Variants in TENM3 observed in about 807,000 individuals in gnomAD.
TENM3 encodes the protein teneurin transmembrane protein 3, also known as teneurin-3.
In TENM3, 63 loss-of-function variants were observed where a neutral mutation model predicts 255.1. That is an observed-to-expected ratio of 0.25 (90% CI 0.20 to 0.30). The LOEUF (loss-of-function observed/expected upper bound fraction) is 0.30. Ranked by LOEUF, TENM3 falls within the 10% of genes least tolerant of loss-of-function variation. The pLI is 1.00. For missense variants in TENM3, 2,929 were observed against 3,461.1 expected, an observed-to-expected ratio of 0.85 and a Z score of 3.86; for synonymous variants, 1,306 against 1,322.3, an observed-to-expected ratio of 0.99 and a Z score of 0.27.
the TENM3 span, among the ~76,000 whole-genome samples, chr4:181,612,606 T>C: frequency 6.6e-6 from 1 of 152,188 alleles, no homozygotes; most frequent in Admixed American, 6.5e-5. Context: ...AATACCTCAT[T>C]GTGTTTTATC....
At chr4:182,274,450 G>A (rs975573116) in intron 1 of TENM3, among the ~76,000 whole-genome samples, 1 of 152,190 alleles carries the variant, frequency 6.6e-6, no homozygotes, top group Non-Finnish European at 1.5e-5. Flanking sequence ...GTCCTTGGCA[G>A]CTTTGTCACC....
chr4:182,605,461 A>G (rs1413676987), intron 4 of TENM3, among the ~76,000 whole-genome samples: 2 of 149,928 alleles, frequency 1.3e-5, no homozygotes, highest in African/African-American at 2.5e-5. Flanking sequence ...GGAAATTCTT[A>G]AAGTTTCACC....
At chr4:182,199,186 G>C (rs985889782) in intron 1 of TENM3, among the ~76,000 whole-genome samples, 3 of 152,040 alleles carry the variant, frequency 2.0e-5, no homozygotes, top group Non-Finnish European at 4.4e-5. Flanking sequence ...ATTTCAGGCC[G>C]GGCACGGTGG....
chr4:182,639,302 A>G (rs1045979671), intron 5 of TENM3, among the ~76,000 whole-genome samples: 1 of 152,200 alleles, frequency 6.6e-6, no homozygotes, highest in Non-Finnish European at 1.5e-5. Context: ...TGTAATCTTG[A>G]ACAGGGTAGT....
chr4:181,671,822 A>G, the TENM3 span, among the ~76,000 whole-genome samples: 1 of 151,902 alleles, frequency 6.6e-6, no homozygotes, highest in Non-Finnish European at 1.5e-5. Flanking sequence ...ATACATTAAC[A>G]TGATTCCTTC....
chr4:181,587,019 TA>T, the TENM3 span, among the ~76,000 whole-genome samples: 2 of 152,316 alleles, frequency 1.3e-5, no homozygotes, highest in Admixed American at 6.5e-5. Flanking sequence ...CTGCACTCAC[TA>T]AAATAAGTGA....
At chr4:182,151,500 A>T (rs138602777) in intron 1 of TENM3, among the ~76,000 whole-genome samples, 47 of 152,238 alleles carry the variant, frequency 3.1e-4, no homozygotes, top group African/African-American at 1.0e-3. Flanking sequence ...AATAGCTCTT[A>T]AGAAAATTGG....
the TENM3 span, among the ~76,000 whole-genome samples, chr4:181,501,585 G>A: frequency 2.6e-5 from 4 of 152,022 alleles, no homozygotes; most frequent in East Asian, 3.9e-4. Flanking sequence ...TCACTAGGTT[G>A]GCCAGGCTGC....
the TENM3 span, among the ~76,000 whole-genome samples, chr4:181,718,163 G>A: frequency 6.6e-6 from 1 of 152,146 alleles, no homozygotes; most frequent in Non-Finnish European, 1.5e-5. Flanking sequence ...AAATTAGTGA[G>A]GAGTATAAAA....
the TENM3 span, among the ~76,000 whole-genome samples, chr4:181,596,082 A>G: frequency 6.6e-6 from 1 of 152,198 alleles, no homozygotes; most frequent in African/African-American, 2.4e-5. Context: ...TATCTCAATC[A>G]TTCATAGATC....
intron 12 of TENM3, among the ~76,000 whole-genome samples, chr4:182,701,109 C>A (rs1170776945): frequency 6.7e-6 from 1 of 149,754 alleles, no homozygotes; most frequent in Non-Finnish European, 1.5e-5. Flanking sequence ...TAAACATAAG[C>A]AATCTAATTG....
chr4:182,305,695 G>T lies in TENM3; in HGVS notation c.-75-18251G>T, dbSNP rs553484960. On this transcript the variant is annotated intron_variant, in intron 1 of 27. Coordinates refer to ENST00000511685, the MANE Select transcript of TENM3 (RefSeq NM_001080477.4). ...CACAGCGGCTCTTTGCGGCCTTCCTGCCTTGGCCTTGGATGGAAGGGTAAC... is the reference window on the plus strand; with the variant it reads ...CACAGCGGCTCTTTGCGGCCTTCCTTCCTTGGCCTTGGATGGAAGGGTAAC... Among the ~76,000 whole-genome samples, 6 of 152,276 alleles carry T rather than the reference G, an allele frequency of 3.9e-5. No individual in the cohort carries two copies. In the East Asian group the frequency reaches 1.2e-3, roughly 29 times the overall value.
intron 3 of TENM3, among the ~76,000 whole-genome samples, chr4:182,532,690 CAGAA>C (rs1280061574): frequency 6.6e-6 from 1 of 152,056 alleles, no homozygotes; most frequent in Admixed American, 6.6e-5. Flanking sequence ...CCCAAGTGAC[CAGAA>C]AGAGTTAATA....
the TENM3 span, among the ~76,000 whole-genome samples, chr4:181,947,408 T>G: frequency 2.0e-4 from 30 of 152,304 alleles, 1 homozygote; most frequent in African/African-American, 7.2e-4. Context: ...TTCCTAGACT[T>G]GTGATTGGTT....
intron 3 of TENM3, among the ~76,000 whole-genome samples, chr4:182,387,196 G>A (rs1768011460): frequency 6.6e-6 from 1 of 151,792 alleles, no homozygotes; most frequent in African/African-American, 2.4e-5. Context: ...ACACCAATCG[G>A]CAATCTGTAT....
the TENM3 span, among the ~76,000 whole-genome samples, chr4:181,920,731 A>G: frequency 6.6e-6 from 1 of 151,420 alleles, no homozygotes; most frequent in African/African-American, 2.4e-5. Flanking sequence ...GAAGCTCTTT[A>G]GTTTAATTAG....
intron 2 of TENM3, among the ~76,000 whole-genome samples, chr4:182,327,226 T>C (rs950000977): frequency 6.6e-6 from 1 of 152,196 alleles, no homozygotes; most frequent in Non-Finnish European, 1.5e-5. Context: ...GCTCCTGACA[T>C]CATATAGGTC....
the TENM3 span, among the ~76,000 whole-genome samples, chr4:181,468,248 T>C: frequency 1.8e-3 from 272 of 152,248 alleles, no homozygotes; most frequent in African/African-American, 6.2e-3. Flanking sequence ...CACTCCAGCC[T>C]GGGCCACAGA....
At chr4:181,770,491 G>A in the TENM3 span, among the ~76,000 whole-genome samples, 3 of 151,966 alleles carry the variant, frequency 2.0e-5, no homozygotes, top group Non-Finnish European at 2.9e-5. Context: ...TGGCTAACAG[G>A]GTGAAACCCC....
Sources: gnomAD v4.1 joint callset for allele counts (sites outside exome capture counted in the v4.1 genomes callset) on GRCh38, gnomAD v4.1.1 for gene constraint, MANE v1.5 for transcripts, NCBI Gene and HGNC (gene_info 2026-07-23, HGNC 2026-07-21) for gene names.